Variants in TBC1D9 observed in about 807,000 individuals in gnomAD.
The protein encoded by TBC1D9 is TBC1 domain family member 9A.
In TBC1D9, 63 loss-of-function variants were observed where a neutral mutation model predicts 132.0. The ratio of observed to expected loss-of-function variants is 0.48; its 90% confidence interval spans 0.39 to 0.59. TBC1D9 has a LOEUF of 0.59. TBC1D9 is among the 20% of genes least tolerant of loss of function. TBC1D9 has a pLI of 0.00. For missense variants in TBC1D9, 1,261 were observed against 1,592.7 expected (o/e 0.79, Z 3.54); for synonymous variants, 610 against 609.9 (o/e 1.00, Z 0.00).
In TBC1D9 at chr4:140,684,261, G is replaced by C. The variant is rs546961178; in HGVS notation, c.360+2083C>G. Among the ~76,000 whole-genome samples, 30 of 150,512 alleles carry C rather than the reference G, an allele frequency of 2.0e-4. 1 individual carries two copies. The highest frequency in any genetic ancestry group is 7.4e-5 in the Non-Finnish European group (5 of 67,638). ...TAATTAAAAAAAAAAAAAAAGTTAAGAAAAGGGAGGTCTGGTAAGAAATAC... is the reference window on the plus strand; with the variant it reads ...TAATTAAAAAAAAAAAAAAAGTTAACAAAAGGGAGGTCTGGTAAGAAATAC... On this transcript the variant is annotated intron_variant, in intron 3 of 20. Transcript: ENST00000442267.
intron 9 of TBC1D9, among the ~76,000 whole-genome samples, chr4:140,662,594 G>A (rs555426244): frequency 6.6e-6 from 1 of 152,266 alleles, no homozygotes; most frequent in African/African-American, 2.4e-5. Context: ...AGCTCTGAAG[G>A]GTTTAATAGC....
intron 9 of TBC1D9, among the ~76,000 whole-genome samples, chr4:140,666,449 C>T (rs1180466596): frequency 2.6e-5 from 4 of 152,224 alleles, no homozygotes; most frequent in Admixed American, 2.6e-4. Flanking sequence ...CATTCTCCTG[C>T]CTCAGCCTCC....
chr4:140,729,818 CAAAAAAAA>C (rs35283552), intron 1 of TBC1D9, among the ~76,000 whole-genome samples: 9 of 51,916 alleles, frequency 1.7e-4, no homozygotes, highest in South Asian at 1.4e-3. Flanking sequence ...GATTCCATCT[CAAAAAAAA>C]AAAAAAAAAA....
At chr4:140,742,104 T>C (rs1040688494) in intron 1 of TBC1D9, among the ~76,000 whole-genome samples, 2 of 152,214 alleles carry the variant, frequency 1.3e-5, no homozygotes, top group African/African-American at 2.4e-5. Flanking sequence ...TCATGGGTCA[T>C]GGTCCTTACA....
chr4:140,632,726 T>C (rs1736817874), intron 16 of TBC1D9, among the ~76,000 whole-genome samples: 1 of 152,172 alleles, frequency 6.6e-6, no homozygotes, highest in Non-Finnish European at 1.5e-5. Context: ...ACTGTGCCTC[T>C]TGAGTACGTG....
chr4:140,676,150 C>T (rs1291625558), intron 6 of TBC1D9, among the ~76,000 whole-genome samples: 3 of 152,228 alleles, frequency 2.0e-5, no homozygotes, highest in East Asian at 1.9e-4. Context: ...CCTATTTACT[C>T]GGCGTAGCCC....
At chr4:140,666,546 G>A (rs1737448131) in intron 9 of TBC1D9, among the ~76,000 whole-genome samples, 1 of 151,874 alleles carries the variant, frequency 6.6e-6, no homozygotes, top group Admixed American at 6.6e-5. Flanking sequence ...CACCTTGTTA[G>A]CCAGGATGGT....
At chr4:140,679,303 T>A in intron 4 of TBC1D9, 100 bp from the exon 5 acceptor site, 2 of 1,263,982 alleles carry the variant, frequency 1.6e-6, no homozygotes, top group Admixed American at 2.2e-5. Flanking sequence ...ACTGAACTCC[T>A]TTGAGTTTAT....
At chr4:140,732,948 T>A (rs1738617548) in intron 1 of TBC1D9, among the ~76,000 whole-genome samples, 1 of 152,220 alleles carries the variant, frequency 6.6e-6, no homozygotes, top group African/African-American at 2.4e-5. Flanking sequence ...AGCTTCTGAC[T>A]ACTGATTTCA....
chr4:140,663,812 T>A (rs1193717210), intron 9 of TBC1D9, among the ~76,000 whole-genome samples: 1 of 152,004 alleles, frequency 6.6e-6, no homozygotes, highest in East Asian at 1.9e-4. Flanking sequence ...ATACATGTTC[T>A]CAGTTGTATG....
intron 13 of TBC1D9, chr4:140,643,210 G>T (rs936783002): frequency 7.2e-7 from 1 of 1,381,092 alleles, no homozygotes; most frequent in Non-Finnish European, 1.0e-6. Context: ...ACCAGGGCCC[G>T]CTCCGCACCT....
chr4:140,622,686 G>T lies in TBC1D9; in HGVS notation c.3310C>A (p.Pro1104Thr). ...VLFPKKGPGQ[P>T]YVVESVEPLP... ...GGCTCAACAGACTCCACCACGTAAG[G>T]CTGGCCTGGCCCTTTCTTGGGGAAG... is the stretch of plus-strand genomic sequence containing the variant. Residue 1104 changes from proline to threonine, a missense_variant, in exon 21 of 21, where the codon CCT becomes ACT. By Grantham distance (38) the Pro-to-Thr change is conservative. Transcript: ENST00000442267. 4 of 1,611,576 alleles carry T rather than the reference G, an allele frequency of 2.5e-6. No homozygotes were observed. The highest frequency in any genetic ancestry group is 2.5e-6 in the Non-Finnish European group (3 of 1,179,060).
chr4:140,713,363 G>A (rs1738280403), intron 1 of TBC1D9, among the ~76,000 whole-genome samples: 3 of 152,308 alleles, frequency 2.0e-5, no homozygotes, highest in Non-Finnish European at 4.4e-5. Flanking sequence ...GAAATGCCAG[G>A]AAAGATGCAT....
intron 13 of TBC1D9, chr4:140,645,272 T>C (rs1444216820): frequency 5.7e-6 from 3 of 524,248 alleles, no homozygotes; most frequent in East Asian, 1.0e-4. Context: ...GCTGTGCTCT[T>C]TCACATTACT....
intron 3 of TBC1D9, among the ~76,000 whole-genome samples, chr4:140,681,411 G>A (rs1464878044): frequency 6.6e-6 from 1 of 152,104 alleles, no homozygotes; most frequent in Non-Finnish European, 1.5e-5. Context: ...TCACCCTGTT[G>A]CCGGTAGTTG....
intron 9 of TBC1D9, among the ~76,000 whole-genome samples, chr4:140,666,918 C>T (rs1268722036): frequency 6.6e-6 from 1 of 152,196 alleles, no homozygotes; most frequent in African/African-American, 2.4e-5. Flanking sequence ...CTCTGATGGT[C>T]ACTGAGAGAG....
chr4:140,682,670 G>A (rs557966626), intron 3 of TBC1D9, among the ~76,000 whole-genome samples: 1 of 152,206 alleles, frequency 6.6e-6, no homozygotes, highest in East Asian at 1.9e-4. Context: ...GCAGCAGCTG[G>A]GCCTCCAGGG....
At chr4:140,640,703 G>A (rs1736973770) in intron 13 of TBC1D9, among the ~76,000 whole-genome samples, 1 of 152,086 alleles carries the variant, frequency 6.6e-6, no homozygotes, top group Non-Finnish European at 1.5e-5. Context: ...AAAGGATAAA[G>A]AAAAAGCTGA....
intron 3 of TBC1D9, among the ~76,000 whole-genome samples, chr4:140,683,598 A>G (rs1316589469): frequency 6.6e-6 from 1 of 152,386 alleles, no homozygotes; most frequent in Middle Eastern, 3.4e-3. Context: ...GCAAAAGAAT[A>G]TTAACAGGTA....
Sources: allele counts gnomAD v4.1 joint callset (sites outside exome capture counted in the v4.1 genomes callset), GRCh38; gene constraint gnomAD v4.1.1; transcripts MANE v1.5; gene names NCBI Gene and HGNC (gene_info 2026-07-23, HGNC 2026-07-21).